The following LRRC4C variants were observed in gnomAD, a reference collection of about 807,000 sequenced individuals.
The protein encoded by LRRC4C is leucine rich repeat containing 4C.
A neutral mutation model predicts 33.6 loss-of-function variants in LRRC4C; 5 were observed. That is an observed-to-expected ratio of 0.15 (90% CI 0.08 to 0.31). The LOEUF (loss-of-function observed/expected upper bound fraction) is 0.31, where lower values mean the gene tolerates loss of function less well. LRRC4C is among the 10% of genes least tolerant of loss of function. The probability of loss-of-function intolerance (pLI) is 1.00; values close to 1 mark genes in which losing one functional copy is unlikely to be tolerated. For missense variants in LRRC4C, 560 were observed against 796.7 expected, an observed-to-expected ratio of 0.70 and a Z score of 3.58; for synonymous variants, 329 against 302.0, an observed-to-expected ratio of 1.09 and a Z score of -0.93.
Position 40,697,404 on chromosome 11 carries a change from C to G in LRRC4C, c.-406-49126G>C, listed in dbSNP as rs138748665. 7.0e-3 allele frequency among the ~76,000 whole-genome samples: 1,068 copies of G among 152,170 alleles called. 13 individuals are homozygous for G. The highest frequency in any genetic ancestry group is 0.025 in the African/African-American group (1,025 of 41,526). The stretch of plus-strand genomic sequence containing the variant: ...AAAAAAAATTATGTAGATGCTAGTG[C>G]CTTTCACACTAAAAGCACTTTTTGG... On this transcript the variant is annotated intron_variant, in intron 2 of 6. Coordinates refer to ENST00000528697, the MANE Select transcript of LRRC4C (RefSeq NM_001258419.2).
At chr11:41,175,586 C>A (rs1437978716) in intron 1 of LRRC4C, among the ~76,000 whole-genome samples, 2 of 151,950 alleles carry the variant, frequency 1.3e-5, no homozygotes, top group Non-Finnish European at 1.5e-5. Context: ...TACATTTAGT[C>A]AACCAGAGCA....
intron 1 of LRRC4C, among the ~76,000 whole-genome samples, chr11:41,382,122 C>G (rs1369335099): frequency 2.6e-5 from 4 of 151,686 alleles, no homozygotes; most frequent in African/African-American, 9.7e-5. Context: ...AAAATGACAA[C>G]CCAGGAATGC....
intron 3 of LRRC4C, among the ~76,000 whole-genome samples, chr11:40,535,220 G>T (rs1387634661): frequency 6.6e-6 from 1 of 152,126 alleles, no homozygotes; most frequent in Non-Finnish European, 1.5e-5. Flanking sequence ...AGAAGCAACA[G>T]ACTTCGAAAA....
At chr11:41,270,971 C>T (rs1356387832) in intron 1 of LRRC4C, among the ~76,000 whole-genome samples, 1 of 151,966 alleles carries the variant, frequency 6.6e-6, no homozygotes, top group Non-Finnish European at 1.5e-5. Context: ...CTTAAACCTC[C>T]CTCCCCTTTC....
intron 6 of LRRC4C, among the ~76,000 whole-genome samples, chr11:40,131,646 G>A (rs1463579203): frequency 2.0e-5 from 3 of 152,160 alleles, no homozygotes; most frequent in African/African-American, 7.2e-5. Flanking sequence ...TGGGGATTGA[G>A]TGTTGTGATT....
chr11:40,178,770 G>T (rs1860730832), intron 5 of LRRC4C, among the ~76,000 whole-genome samples: 1 of 152,148 alleles, frequency 6.6e-6, no homozygotes, highest in South Asian at 2.1e-4. Context: ...TCGCTGTGGG[G>T]TTGGTTGGGC....
chr11:41,296,003 A>T (rs1241736303), intron 1 of LRRC4C, among the ~76,000 whole-genome samples: 1 of 152,250 alleles, frequency 6.6e-6, no homozygotes, highest in Non-Finnish European at 1.5e-5. Context: ...AATATGAGTA[A>T]ATAAAATCCC....
At chr11:41,160,740 A>G (rs1231303576) in intron 1 of LRRC4C, among the ~76,000 whole-genome samples, 3 of 152,156 alleles carry the variant, frequency 2.0e-5, no homozygotes, top group Non-Finnish European at 2.9e-5. Context: ...AGCAAAGGAT[A>G]CAGACACTCA....
intron 3 of LRRC4C, among the ~76,000 whole-genome samples, chr11:40,440,934 G>A (rs1299372207): frequency 6.6e-6 from 1 of 151,724 alleles, no homozygotes; most frequent in Non-Finnish European, 1.5e-5. Flanking sequence ...GTTTGAACAA[G>A]GCTATTTTTT....
rs533877741 is a variant in LRRC4C at position 41,383,644 on chromosome 11, T to C, written c.-496+75787A>G. ...ATATTAATCAAAAAGAAAATATATT[T>C]GAAAGAAACAACAGAAAAAGAAGAA... On this transcript the variant is annotated intron_variant, in intron 1 of 6. Transcript: ENST00000528697. 9.9e-5 allele frequency among the ~76,000 whole-genome samples: 15 copies of C among 151,602 alleles called. No individual in the cohort carries two copies. The South Asian group carries it at 2.9e-3, about 29-fold the overall frequency.
rs747973702 is a variant in LRRC4C, at chr11:40,315,209, A to AG, written c.-176+4418dup. Among the ~76,000 whole-genome samples, 7 of 152,016 alleles carry AG rather than the reference A, an allele frequency of 4.6e-5. 1 individual carries two copies. Among genetic ancestry groups the AG allele is most frequent in the Admixed American group, 2.6e-4 (4 of 15,266 alleles). On this transcript the variant is annotated intron_variant, in intron 4 of 6. Coordinates refer to ENST00000528697, the MANE Select transcript of LRRC4C (RefSeq NM_001258419.2). ...TGAAAAAATAAAATACTGCACAGACAGGAAAAAATGAAAAAATTAAAAAAC... is the reference window on the plus strand; with the variant it reads ...TGAAAAAATAAAATACTGCACAGACAGGGAAAAAATGAAAAAATTAAAAAAC...
chr11:40,374,963 T>C (rs1014387762), intron 3 of LRRC4C, among the ~76,000 whole-genome samples: 13 of 152,318 alleles, frequency 8.5e-5, no homozygotes, highest in African/African-American at 3.1e-4. Context: ...CAAGCAACTA[T>C]GTTTAAACTC....
At chr11:40,639,867 C>T (rs1340431729) in intron 3 of LRRC4C, among the ~76,000 whole-genome samples, 3 of 152,076 alleles carry the variant, frequency 2.0e-5, no homozygotes, top group East Asian at 3.9e-4. Context: ...AAGTGATGCA[C>T]GGCCAATGTT....
intron 2 of LRRC4C, among the ~76,000 whole-genome samples, chr11:40,880,052 G>A (rs1003230847): frequency 2.6e-5 from 4 of 151,942 alleles, no homozygotes; most frequent in African/African-American, 7.3e-5. Context: ...GGATCTCTTC[G>A]GACGCTCACA....
At chr11:40,413,133 G>C (rs1175921347) in intron 3 of LRRC4C, among the ~76,000 whole-genome samples, 1 of 151,842 alleles carries the variant, frequency 6.6e-6, no homozygotes. Context: ...AATCTACTAC[G>C]ACTAACAGAA....
chr11:40,691,193 T>C (rs559889202), intron 2 of LRRC4C, among the ~76,000 whole-genome samples: 81 of 151,588 alleles, frequency 5.3e-4, no homozygotes, highest in African/African-American at 1.9e-3. Context: ...ATAAACTTGA[T>C]AAAAAACAAA....
intron 1 of LRRC4C, among the ~76,000 whole-genome samples, chr11:41,110,959 T>G (rs1941794420): frequency 6.6e-6 from 1 of 151,412 alleles, no homozygotes; most frequent in East Asian, 1.9e-4. Context: ...ATTCAATATG[T>G]CTGAGTTGTA....
intron 1 of LRRC4C, among the ~76,000 whole-genome samples, chr11:41,326,525 C>T (rs1318554359): frequency 6.6e-6 from 1 of 152,050 alleles, no homozygotes; most frequent in East Asian, 1.9e-4. Flanking sequence ...AACCCTAATA[C>T]ACAAACCTTC....
intron 1 of LRRC4C, among the ~76,000 whole-genome samples, chr11:41,390,448 C>G (rs973304346): frequency 6.6e-6 from 1 of 151,872 alleles, no homozygotes; most frequent in Non-Finnish European, 1.5e-5. Context: ...ACCTGCCTGT[C>G]ACTACCCTGC....
Sources: allele counts gnomAD v4.1 joint callset (sites outside exome capture counted in the v4.1 genomes callset), GRCh38; gene constraint gnomAD v4.1.1; transcripts MANE v1.5; gene names NCBI Gene and HGNC (gene_info 2026-07-23, HGNC 2026-07-21).